The following COL19A1 variants were observed in gnomAD, a reference collection of about 807,000 sequenced individuals.
COL19A1 encodes collagen alpha-1(XIX) chain.
COL19A1 carries 159 observed loss-of-function variants against 190.2 expected under a neutral mutation model. That is an observed-to-expected ratio of 0.84 (90% confidence interval 0.73 to 0.95). The LOEUF (loss-of-function observed/expected upper bound fraction) is 0.95. Among genes scored for constraint, COL19A1 ranks in the 40% least tolerant of loss-of-function variants. The pLI is 0.00. For synonymous variants in COL19A1, 509 were observed against 458.9 expected, an observed-to-expected ratio of 1.11 and a Z score of -1.39; for missense variants, 1,418 against 1,431.9, an observed-to-expected ratio of 0.99 and a Z score of 0.16.
At position 69,898,919 on chromosome 6, in the gene COL19A1, T is replaced by C. The variant is rs573830226; in HGVS notation, c.92-29T>C. 2.2e-5 allele frequency: 31 copies of C among 1,389,060 alleles called. 1 individual carries two copies. In the South Asian group the frequency reaches 3.7e-4, roughly 17 times the overall value. The allele number at this position is 1,389,060 out of a possible 1,614,324, so 86.0% of individuals were successfully genotyped here. On this transcript the variant is annotated intron_variant, in intron 2 of 50. Coordinates refer to ENST00000620364, the MANE Select transcript of COL19A1 (RefSeq NM_001858.6). Reference sequence around the variant, plus strand: ...AATTAAAATTCATACATAATGCAAATCCTCTATGCTTTTTTTCTTTTTAAA... The same window carrying C: ...AATTAAAATTCATACATAATGCAAACCCTCTATGCTTTTTTTCTTTTTAAA...
chr6:70,187,253 C>T (rs1281363832), intron 46 of COL19A1, among the ~76,000 whole-genome samples: 3 of 152,112 alleles, frequency 2.0e-5, no homozygotes, highest in Admixed American at 1.3e-4. Flanking sequence ...CAGTCACCTG[C>T]TTTGATCTTT....
chr6:70,027,150 G>C (rs1379936746), intron 12 of COL19A1, among the ~76,000 whole-genome samples: 1 of 152,146 alleles, frequency 6.6e-6, no homozygotes, highest in East Asian at 1.9e-4. Context: ...AGTGAGCCAG[G>C]TGACTCCAGC....
At chr6:69,926,419 G>A (rs1336525534) in intron 4 of COL19A1, among the ~76,000 whole-genome samples, 1 of 152,034 alleles carries the variant, frequency 6.6e-6, no homozygotes, top group Admixed American at 6.6e-5. Context: ...TGAGAATGAT[G>A]TCTTACCAAA....
intron 4 of COL19A1, among the ~76,000 whole-genome samples, chr6:69,907,960 TC>T (rs1035122608): frequency 6.6e-4 from 101 of 152,232 alleles, no homozygotes; most frequent in African/African-American, 2.1e-3. Context: ...AAGCTACACT[TC>T]CCCCTTGCTT....
intron 14 of COL19A1, among the ~76,000 whole-genome samples, chr6:70,067,229 G>A (rs542788365): frequency 3.3e-5 from 5 of 152,252 alleles, no homozygotes; most frequent in African/African-American, 1.2e-4. Flanking sequence ...ATGGAGGAAT[G>A]TGTAGCTTCA....
intron 11 of COL19A1, chr6:69,974,134 C>T (rs1364314750): frequency 6.6e-6 from 1 of 152,148 alleles, no homozygotes; most frequent in Non-Finnish European, 1.5e-5. Context: ...CTTTAAGAAC[C>T]TCCCCATCAA....
At chr6:70,151,525 T>C in intron 31 of COL19A1, 87 bp downstream of exon 31, 1 of 1,304,030 alleles carries the variant, frequency 7.7e-7, no homozygotes, top group East Asian at 2.3e-5. Context: ...AGTCAATTGC[T>C]TAGCTGGAAC....
intron 9 of COL19A1, among the ~76,000 whole-genome samples, chr6:69,945,134 C>T (rs1380390369): frequency 6.6e-6 from 1 of 151,910 alleles, no homozygotes; most frequent in African/African-American, 2.4e-5. Flanking sequence ...GAAGTGTTAT[C>T]TGAGCTCCAT....
chr6:70,169,822 A>C (rs770849068), intron 40 of COL19A1, among the ~76,000 whole-genome samples: 1 of 152,100 alleles, frequency 6.6e-6, no homozygotes, highest in African/African-American at 2.4e-5. Flanking sequence ...ATACTCATAC[A>C]CACAAAACAG....
intron 1 of COL19A1, among the ~76,000 whole-genome samples, chr6:69,875,311 C>A (rs1768070527): frequency 6.6e-6 from 1 of 152,088 alleles, no homozygotes; most frequent in South Asian, 2.1e-4. Context: ...TTTGGGACTT[C>A]TAGGCTGTAG....
chr6:70,182,191 T>G (rs192777956), intron 44 of COL19A1, among the ~76,000 whole-genome samples: 83 of 152,026 alleles, frequency 5.5e-4, no homozygotes, highest in African/African-American at 1.9e-3. Context: ...CAGCCATGAG[T>G]AGAGGAACTT....
At chr6:70,134,227 A>G (rs1180964811) in intron 18 of COL19A1, among the ~76,000 whole-genome samples, 2 of 152,154 alleles carry the variant, frequency 1.3e-5, no homozygotes, top group East Asian at 1.9e-4. Flanking sequence ...CAAACCAACA[A>G]CAATTTGTTC....
chr6:69,920,020 A>G (rs916433838), intron 4 of COL19A1, among the ~76,000 whole-genome samples: 1 of 152,092 alleles, frequency 6.6e-6, no homozygotes, highest in Non-Finnish European at 1.5e-5. Flanking sequence ...GTCACATCAG[A>G]GGTTAGGGTT....
intron 18 of COL19A1, among the ~76,000 whole-genome samples, chr6:70,135,592 C>A (rs147325040): frequency 6.6e-6 from 1 of 152,072 alleles, no homozygotes; most frequent in Non-Finnish European, 1.5e-5. Context: ...CACTGTGCAC[C>A]GAAGCCAATA....
At position 70,208,704 on chromosome 6, in the gene COL19A1, G is replaced by A. The variant is rs1768028913; in HGVS notation, c.*1430G>A. The stretch of plus-strand genomic sequence containing the variant: ...TCACAGCTCTTCAAGGAGCAGTGCA[G>A]ATTTCAATTTGGCTAAAACAGGATG... On this transcript the variant is annotated 3_prime_UTR_variant, in exon 51 of 51. Coordinates refer to ENST00000620364, the MANE Select transcript of COL19A1 (RefSeq NM_001858.6). The A allele has an allele frequency of 6.6e-6, 1 of 152,622 alleles. No homozygotes were observed. Among genetic ancestry groups the A allele is most frequent in the African/African-American group, 2.4e-5 (1 of 41,442 alleles). 9.5% of individuals were successfully genotyped at this position (152,622 alleles called of 1,614,324 possible). A position where few individuals can be genotyped will look rare whatever the true frequency, so the allele number is the denominator to read the frequency against.
intron 15 of COL19A1, among the ~76,000 whole-genome samples, chr6:70,071,441 A>G (rs1781552167): frequency 6.6e-6 from 1 of 152,164 alleles, no homozygotes; most frequent in Non-Finnish European, 1.5e-5. Context: ...TGTAGAAGTA[A>G]TGTGCTTCTT....
intron 4 of COL19A1, among the ~76,000 whole-genome samples, chr6:69,909,586 C>G (rs1770772802): frequency 6.6e-6 from 1 of 151,898 alleles, no homozygotes; most frequent in African/African-American, 2.4e-5. Context: ...AGGGAAGGCC[C>G]TAGGAGGTTA....
chr6:70,111,566 G>A (rs895325257), intron 16 of COL19A1, among the ~76,000 whole-genome samples: 2 of 152,234 alleles, frequency 1.3e-5, no homozygotes, highest in East Asian at 1.9e-4. Context: ...TAAGAAGCAG[G>A]AAAAACATTC....
At chr6:69,941,568 A>G (rs1170388643) in intron 9 of COL19A1, among the ~76,000 whole-genome samples, 5 of 152,148 alleles carry the variant, frequency 3.3e-5, no homozygotes, top group Non-Finnish European at 7.3e-5. Context: ...AATAGTAATA[A>G]TTGATCAATA....
Sources: gnomAD v4.1 joint callset for allele counts (sites outside exome capture counted in the v4.1 genomes callset) on GRCh38, gnomAD v4.1.1 for gene constraint, MANE v1.5 for transcripts, NCBI Gene and HGNC (gene_info 2026-07-23, HGNC 2026-07-21) for gene names.